Variants in HDAC9 observed in about 807,000 individuals in gnomAD.
HDAC9 encodes the protein histone deacetylase 9.
A neutral mutation model predicts 139.4 loss-of-function variants in HDAC9; 41 were observed. That is an observed-to-expected ratio of 0.29 (90% CI 0.23 to 0.38). The LOEUF (loss-of-function observed/expected upper bound fraction) is 0.38, where lower values mean the gene tolerates loss of function less well. Among genes scored for constraint, HDAC9 ranks in the 10% least tolerant of loss-of-function variants. The pLI, the probability that HDAC9 is intolerant of heterozygous loss-of-function variation, is 1.00. For synonymous variants in HDAC9, 517 were observed against 476.2 expected, an observed-to-expected ratio of 1.09 and a Z score of -1.12; for missense variants, 1,147 against 1,297.0, an observed-to-expected ratio of 0.88 and a Z score of 1.78.
chr7:18,157,274 C>T (rs985516272), intron 1 of HDAC9, among the ~76,000 whole-genome samples: 2 of 152,068 alleles, frequency 1.3e-5, no homozygotes, highest in Admixed American at 6.5e-5. Context: ...GCCTGTGCCT[C>T]GGTAGTAGCT....
intron 2 of HDAC9, among the ~76,000 whole-genome samples, chr7:18,213,585 C>T (rs1021490426): frequency 6.6e-6 from 1 of 152,066 alleles, no homozygotes. Flanking sequence ...GGACTGCAAA[C>T]GTAGTCACTG....
At chr7:18,919,635 T>A (rs1803511192) in intron 22 of HDAC9, among the ~76,000 whole-genome samples, 1 of 151,548 alleles carries the variant, frequency 6.6e-6, no homozygotes, top group African/African-American at 2.4e-5. Flanking sequence ...GAAAGGGAGG[T>A]GGGAGGCAGG....
chr7:18,977,385 T>A (rs975967701), intron 25 of HDAC9, among the ~76,000 whole-genome samples: 5 of 152,202 alleles, frequency 3.3e-5, no homozygotes, highest in Non-Finnish European at 7.4e-5. Flanking sequence ...TAGAATTTAA[T>A]ATAGAAAAAC....
intron 23 of HDAC9, among the ~76,000 whole-genome samples, chr7:18,938,230 C>CAAAAAA (rs71553939): frequency 4.0e-5 from 3 of 75,322 alleles, no homozygotes; most frequent in African/African-American, 1.0e-4. Context: ...GACTCCGTCT[C>CAAAAAA]AAAAAAAAAA....
At chr7:18,980,567 G>A (rs556309647) in intron 25 of HDAC9, among the ~76,000 whole-genome samples, 97 of 152,146 alleles carry the variant, frequency 6.4e-4, no homozygotes, top group African/African-American at 2.2e-3. Context: ...ACAATACCTG[G>A]CATGTAGTAA....
intron 21 of HDAC9, among the ~76,000 whole-genome samples, chr7:18,855,992 T>C (rs186260219): frequency 2.6e-5 from 4 of 152,244 alleles, no homozygotes; most frequent in Admixed American, 2.6e-4. Flanking sequence ...GATGTCTAAT[T>C]ACAAAGAATT....
chr7:18,115,545 A>G (rs1450235450), intron 1 of HDAC9, among the ~76,000 whole-genome samples: 1 of 152,204 alleles, frequency 6.6e-6, no homozygotes, highest in Non-Finnish European at 1.5e-5. Context: ...TATTGGGTTA[A>G]GTCATTTACA....
At chr7:18,799,506 GAAGT>G (rs965157504) in intron 17 of HDAC9, among the ~76,000 whole-genome samples, 1 of 152,182 alleles carries the variant, frequency 6.6e-6, no homozygotes, top group Non-Finnish European at 1.5e-5. Context: ...ATAATTTAAA[GAAGT>G]AAGTTAAGCC....
chr7:18,516,856 A>T (rs1314584275), intron 2 of HDAC9, among the ~76,000 whole-genome samples: 1 of 136,822 alleles, frequency 7.3e-6, no homozygotes, highest in African/African-American at 2.8e-5. Flanking sequence ...GTCAGACTCC[A>T]TTTCAGAAAA....
chr7:18,279,640 A>G (rs915312544), intron 2 of HDAC9, among the ~76,000 whole-genome samples: 12 of 151,606 alleles, frequency 7.9e-5, no homozygotes, highest in Non-Finnish European at 1.2e-4. Flanking sequence ...TAATTTTTGT[A>G]TTTTTAGTAG....
chr7:18,275,157 G>A (rs1167544710), intron 2 of HDAC9, among the ~76,000 whole-genome samples: 2 of 152,060 alleles, frequency 1.3e-5, no homozygotes, highest in Non-Finnish European at 2.9e-5. Context: ...ACTTCTAATT[G>A]CTCAGGCCAG....
chr7:18,420,842 C>A (rs1236276556), intron 1 of HDAC9, among the ~76,000 whole-genome samples: 3 of 152,162 alleles, frequency 2.0e-5, no homozygotes, highest in African/African-American at 7.2e-5. Context: ...TGGACACCTG[C>A]TTTAGATTGT....
chr7:18,219,873 G>A (rs1584700808), intron 2 of HDAC9, among the ~76,000 whole-genome samples: 1 of 152,192 alleles, frequency 6.6e-6, no homozygotes, highest in Admixed American at 6.5e-5. Flanking sequence ...CAGGAGCAGA[G>A]TGTAGCAGGG....
intron 22 of HDAC9, among the ~76,000 whole-genome samples, chr7:18,921,392 A>G (rs1281121557): frequency 6.6e-6 from 1 of 152,202 alleles, no homozygotes; most frequent in Non-Finnish European, 1.5e-5. Context: ...CAAGAAAAAA[A>G]CAACCCCATC....
intron 22 of HDAC9, among the ~76,000 whole-genome samples, chr7:18,928,571 A>T (rs1804440972): frequency 6.6e-6 from 1 of 152,170 alleles, no homozygotes; most frequent in African/African-American, 2.4e-5. Context: ...TAAACTAAAA[A>T]CCTAAAGCAC....
At chr7:18,781,351 A>G (rs1029109658) in intron 16 of HDAC9, among the ~76,000 whole-genome samples, 1 of 152,012 alleles carries the variant, frequency 6.6e-6, no homozygotes, top group East Asian at 1.9e-4. Flanking sequence ...CTCATCAACT[A>G]TATAACTTTG....
intron 2 of HDAC9, among the ~76,000 whole-genome samples, chr7:18,179,724 C>T (rs756770767): frequency 1.2e-4 from 19 of 152,164 alleles, no homozygotes; most frequent in Admixed American, 4.6e-4. Context: ...AGGACTTAAA[C>T]GCAGCTCTGG....
intron 1 of HDAC9, among the ~76,000 whole-genome samples, chr7:18,108,865 C>G (rs1022358611): frequency 6.6e-6 from 1 of 152,080 alleles, no homozygotes; most frequent in Admixed American, 6.6e-5. Context: ...CATGATCCTC[C>G]CTCCTCGGCC....
rs1386488835 is a variant in HDAC9, at chr7:18,309,854, TA to T, written c.-42+19345del. ...AGTTTTAAAAAATATGCTATTATAA[TA>T]AAAAATATTTAAATATTTCACATTA... is the stretch of plus-strand genomic sequence containing the variant. On this transcript the variant is annotated intron_variant, in intron 1 of 3. Transcript: ENST00000413509. 7.2e-5 allele frequency among the ~76,000 whole-genome samples: 11 copies of T among 152,280 alleles called. No homozygotes were observed. In the South Asian group the frequency reaches 1.2e-3, roughly 17 times the overall value.
Sources: gnomAD v4.1 joint callset for allele counts (sites outside exome capture counted in the v4.1 genomes callset) on GRCh38, gnomAD v4.1.1 for gene constraint, MANE v1.5 for transcripts, NCBI Gene and HGNC (gene_info 2026-07-23, HGNC 2026-07-21) for gene names.